The following BAHD1 variants were observed in gnomAD, a reference collection of about 807,000 sequenced individuals.
The protein encoded by BAHD1 is bromo adjacent homology domain containing 1.
Under a neutral mutation model 63.1 loss-of-function variants are expected in BAHD1, and 20 were observed. That is an observed-to-expected ratio of 0.32 (90% CI 0.22 to 0.46). The LOEUF (loss-of-function observed/expected upper bound fraction) is 0.46. BAHD1 is among the 20% of genes least tolerant of loss of function. The pLI, the probability that BAHD1 is intolerant of heterozygous loss-of-function variation, is 1.00. For synonymous variants in BAHD1, 408 were observed against 426.8 expected, an observed-to-expected ratio of 0.96 and a Z score of 0.54; for missense variants, 939 against 1,071.8, an observed-to-expected ratio of 0.88 and a Z score of 1.73.
In BAHD1 at chr15:40,466,006, C is replaced by G. The variant is rs764123141; in HGVS notation, c.2219C>G (p.Pro740Arg). Residue 740 changes from proline to arginine, a missense_variant, in exon 7 of 7, where the codon CCC becomes CGC. By Grantham distance (103) the Pro-to-Arg change is moderately radical (BLOSUM62 -2). This residue lies in a region of BAHD1 where 68 missense variants were observed against 86.2 expected (regional missense o/e 0.79). Transcript: ENST00000416165. ...LPSRKTALVP[P>R]SADYSTPPHR... is the part of the protein sequence containing the mutation. ...AGCCGAAAGACAGCACTGGTTCCCC[C>G]CTCTGCAGACTATTCCACCCCACCC... is the stretch of plus-strand genomic sequence containing the variant. 3.7e-6 allele frequency: 6 copies of G among 1,613,554 alleles called. No homozygotes were observed. The highest frequency in any genetic ancestry group is 2.2e-5 in the East Asian group (1 of 44,838).
At chr15:40,453,868 G>C (rs1893776391) in intron 1 of BAHD1, 1 of 151,958 alleles carries the variant, frequency 6.6e-6, no homozygotes, top group Non-Finnish European at 1.5e-5. Context: ...AGTTACTGGG[G>C]AGGCTGAGGT....
chr15:40,439,073 G>A (rs1197699851), upstream of BAHD1, among the ~76,000 whole-genome samples: 2 of 152,196 alleles, frequency 1.3e-5, no homozygotes, highest in African/African-American at 4.8e-5. Flanking sequence ...TGTGTGTTGG[G>A]GGGGCGCTGC....
intron 1 of BAHD1, among the ~76,000 whole-genome samples, chr15:40,442,537 CAG>C (rs1893433593): frequency 6.6e-6 from 1 of 152,234 alleles, no homozygotes; most frequent in South Asian, 2.1e-4. Flanking sequence ...TTTCAACAAG[CAG>C]AGTCTGCCTA....
At chr15:40,451,438 TAG>T (rs1893701021) in intron 1 of BAHD1, among the ~76,000 whole-genome samples, 1 of 152,244 alleles carries the variant, frequency 6.6e-6, no homozygotes, top group African/African-American at 2.4e-5. Context: ...CTCCAACTCT[TAG>T]TCTTTTGCAT....
chr15:40,442,917 T>G (rs1893443000), intron 1 of BAHD1, among the ~76,000 whole-genome samples: 1 of 152,182 alleles, frequency 6.6e-6, no homozygotes, highest in Non-Finnish European at 1.5e-5. Flanking sequence ...TTGGCCAGCT[T>G]GGAGGATGCT....
At chr15:40,439,555 T>C (rs1029617512), upstream of BAHD1, among the ~76,000 whole-genome samples, 1 of 152,204 alleles carries the variant, frequency 6.6e-6, no homozygotes, top group African/African-American at 2.4e-5. Context: ...GCACTCTGGG[T>C]GCCTCTCTCT....
At chr15:40,456,793 T>G (rs921886095) in intron 1 of BAHD1, among the ~76,000 whole-genome samples, 1 of 152,196 alleles carries the variant, frequency 6.6e-6, no homozygotes, top group Non-Finnish European at 1.5e-5. Flanking sequence ...GAAATTAAGC[T>G]GAAAAACCTG....
In BAHD1 at chr15:40,466,177, G is replaced by A; in HGVS notation, c.*47G>A. On this transcript the variant is annotated 3_prime_UTR_variant, in exon 7 of 7. Transcript: ENST00000416165. ...GCTACCCATGGGCAAGTGGGGCTCGGGGTAGGGGGCACTGCTTGAAGCACA... is the reference window on the plus strand; with the variant it reads ...GCTACCCATGGGCAAGTGGGGCTCGAGGTAGGGGGCACTGCTTGAAGCACA... 1 of 1,575,712 alleles carries A rather than the reference G, an allele frequency of 6.3e-7. No individual in the cohort carries two copies.
chr15:40,456,023 A>G (rs1471946162), intron 1 of BAHD1, among the ~76,000 whole-genome samples: 1 of 152,168 alleles, frequency 6.6e-6, no homozygotes, highest in African/African-American at 2.4e-5. Context: ...CCCAGGCTGG[A>G]GTGCAGTGGC....
chr15:40,446,312 A>G (rs746372965), intron 1 of BAHD1, among the ~76,000 whole-genome samples: 1 of 152,242 alleles, frequency 6.6e-6, no homozygotes, highest in Non-Finnish European at 1.5e-5. Flanking sequence ...CGGCCTGACA[A>G]GCACCCTCAC....
At position 40,467,863 on chromosome 15, in the gene BAHD1, C is replaced by T. The variant is rs1019418298; in HGVS notation, c.*1733C>T. 6 of 152,602 alleles carry T rather than the reference C, an allele frequency of 3.9e-5. No individual in the cohort carries two copies. The highest frequency in any genetic ancestry group is 1.2e-4 in the African/African-American group (5 of 41,432). The allele number at this position is 152,602 out of a possible 1,614,324, so 9.5% of individuals were successfully genotyped here. A position where few individuals can be genotyped will look rare whatever the true frequency, so the allele number is the denominator to read the frequency against. On this transcript the variant is annotated 3_prime_UTR_variant, in exon 7 of 7. Coordinates refer to ENST00000416165, the MANE Select transcript of BAHD1 (RefSeq NM_014952.5). ...TGCAGAGCCAGCCTTGGAGCCTGCT[C>T]ATTCTGGGCCCTTGCTGCCAAGGAG...
At chr15:40,464,335 G>A in intron 4 of BAHD1, 136 bp from the exon 5 acceptor site, 1 of 754,826 alleles carries the variant, frequency 1.3e-6, no homozygotes, top group Non-Finnish European at 2.2e-6. Context: ...TGCTTGGCCT[G>A]GGGCAGGGGA....
chr15:40,441,080 C>G lies in BAHD1; in HGVS notation c.-203C>G. On this transcript the variant is annotated 5_prime_UTR_variant, in exon 1 of 7. Coordinates refer to ENST00000416165, the MANE Select transcript of BAHD1 (RefSeq NM_014952.5). ...GCCCGCCCCGGCCAGGCGCGCCCGC[C>G]CCCCCCGACGGCCCCGCCCGGCCGC... 6.8e-6 allele frequency: 1 copy of G among 146,612 alleles called. No individual in the cohort carries two copies. The highest frequency in any genetic ancestry group is 1.5e-5 in the Non-Finnish European group (1 of 65,718). 9.1% of individuals were successfully genotyped at this position (146,612 alleles called of 1,614,324 possible). A position where few individuals can be genotyped will look rare whatever the true frequency, so the allele number is the denominator to read the frequency against.
chr15:40,441,784 G>A, intron 1 of BAHD1, among the ~76,000 whole-genome samples: 1 of 150,826 alleles, frequency 6.6e-6, no homozygotes, highest in Non-Finnish European at 1.5e-5. Context: ...CGGCGCCGCG[G>A]GATCGCCCGC....
In BAHD1 at chr15:40,449,085, G is replaced by A. The variant is rs558534811; in HGVS notation, c.-15+7817G>A. Among the ~76,000 whole-genome samples, 403 of 151,768 alleles carry A rather than the reference G, an allele frequency of 2.7e-3. 4 individuals carry two copies. Among genetic ancestry groups the A allele is most frequent in the African/African-American group, 9.4e-3 (388 of 41,334 alleles). ...CCCACCTCGGCCTCCCAAAGTGCTG[G>A]GATTACAGGCGTGAGCCACCGCGCC... is the stretch of plus-strand genomic sequence containing the variant. On this transcript the variant is annotated intron_variant, in intron 1 of 6. Transcript: ENST00000416165.
At chr15:40,437,746 G>C (rs1433695641), upstream of BAHD1, among the ~76,000 whole-genome samples, 2 of 152,224 alleles carry the variant, frequency 1.3e-5, no homozygotes, top group Admixed American at 6.5e-5. Context: ...TGCCCTGCCT[G>C]GTGCCAGGTG....
chr15:40,461,680 C>G (rs1894045445), intron 2 of BAHD1, among the ~76,000 whole-genome samples: 1 of 152,030 alleles, frequency 6.6e-6, no homozygotes, highest in Admixed American at 6.6e-5. Context: ...ATGTTCCAAC[C>G]ACCTCTCTTT....
At chr15:40,456,879 C>A (rs562385480) in intron 1 of BAHD1, among the ~76,000 whole-genome samples, 1 of 152,300 alleles carries the variant, frequency 6.6e-6, no homozygotes, top group East Asian at 1.9e-4. Flanking sequence ...CTTGCCAGCC[C>A]CTGTGCTTTG....
chr15:40,439,084 C>A (rs1016840687), upstream of BAHD1, among the ~76,000 whole-genome samples: 1 of 152,138 alleles, frequency 6.6e-6, no homozygotes, highest in African/African-American at 2.4e-5. Flanking sequence ...GGGGCGCTGC[C>A]GGGAACCTCT....
Sources: allele counts gnomAD v4.1 joint callset (sites outside exome capture counted in the v4.1 genomes callset), GRCh38; gene constraint gnomAD v4.1.1; regional missense constraint gnomAD v4.1.1; transcripts MANE v1.5; gene names NCBI Gene and HGNC (gene_info 2026-07-23, HGNC 2026-07-21).